The following RUNX2 variants were observed in gnomAD, a reference collection of about 807,000 sequenced individuals.
The protein encoded by RUNX2 is RUNX family transcription factor 2.
In RUNX2, 10 loss-of-function variants were observed where a neutral mutation model predicts 51.7. The ratio of observed to expected loss-of-function variants is 0.19; its 90% CI spans 0.12 to 0.33. The LOEUF is 0.33. Among genes scored for constraint, RUNX2 ranks in the 10% least tolerant of loss-of-function variants. The pLI is 1.00. For synonymous variants in RUNX2, 276 were observed against 273.6 expected, an observed-to-expected ratio of 1.01 and a Z score of -0.09; for missense variants, 562 against 691.3, an observed-to-expected ratio of 0.81 and a Z score of 2.10.
chr6:45,330,295 A>G (rs926324747), intron 2 of RUNX2, among the ~76,000 whole-genome samples: 2 of 151,954 alleles, frequency 1.3e-5, no homozygotes, highest in Admixed American at 1.3e-4. Context: ...GCTAGACTAC[A>G]TTACAACACA....
chr6:45,530,204 C>T (rs1001051648), intron 7 of RUNX2, among the ~76,000 whole-genome samples: 7 of 152,314 alleles, frequency 4.6e-5, no homozygotes, highest in Admixed American at 4.6e-4. Flanking sequence ...TGAACCCCTC[C>T]CAGGGGTCTT....
chr6:45,532,693 C>T (rs909871742), intron 7 of RUNX2, among the ~76,000 whole-genome samples: 2 of 152,126 alleles, frequency 1.3e-5, no homozygotes, highest in African/African-American at 4.8e-5. Flanking sequence ...TAGATGTGGC[C>T]CTGCATCTGT....
chr6:45,347,759 T>C (rs534188589), intron 2 of RUNX2, among the ~76,000 whole-genome samples: 1 of 142,806 alleles, frequency 7.0e-6, no homozygotes, highest in East Asian at 1.9e-4. Context: ...TTCACAATTC[T>C]TTTTTTTAAA....
At chr6:45,455,658 C>T (rs1192642990) in intron 5 of RUNX2, among the ~76,000 whole-genome samples, 1 of 152,068 alleles carries the variant, frequency 6.6e-6, no homozygotes, top group Admixed American at 6.5e-5. Flanking sequence ...ATCTTTAGCA[C>T]AGTGTGAAGT....
intron 2 of RUNX2, among the ~76,000 whole-genome samples, chr6:45,364,625 C>T (rs1240317594): frequency 2.6e-5 from 4 of 152,114 alleles, no homozygotes; most frequent in Non-Finnish European, 5.9e-5. Flanking sequence ...TGCAAGAAAC[C>T]AGAAATCAAG....
chr6:45,480,377 G>T (rs1420959480), intron 5 of RUNX2, among the ~76,000 whole-genome samples: 4 of 152,162 alleles, frequency 2.6e-5, no homozygotes, highest in Non-Finnish European at 4.4e-5. Flanking sequence ...TATTAGGGGG[G>T]TTATTTCAAA....
chr6:45,369,636 A>G (rs1795717939), intron 2 of RUNX2, among the ~76,000 whole-genome samples: 1 of 152,164 alleles, frequency 6.6e-6, no homozygotes, highest in Non-Finnish European at 1.5e-5. Flanking sequence ...ACTCTTATTT[A>G]AAGCCAACAC....
At chr6:45,539,219 T>TTCTC (rs563329125) in intron 7 of RUNX2, among the ~76,000 whole-genome samples, 2 of 151,320 alleles carry the variant, frequency 1.3e-5, no homozygotes, top group Non-Finnish European at 2.9e-5. Context: ...AGGTTTTTTT[T>TTCTC]TCTCTCTCTC....
chr6:45,338,369 T>C (rs1789042956), intron 2 of RUNX2, among the ~76,000 whole-genome samples: 1 of 152,032 alleles, frequency 6.6e-6, no homozygotes, highest in South Asian at 2.1e-4. Context: ...ATAGGCAACT[T>C]CTCAAGAAAT....
intron 2 of RUNX2, among the ~76,000 whole-genome samples, chr6:45,395,585 G>A (rs1209979179): frequency 6.6e-6 from 1 of 152,298 alleles, no homozygotes; most frequent in African/African-American, 2.4e-5. Flanking sequence ...TTTAGCAAAA[G>A]AGGAGGCAAT....
At position 45,491,014 on chromosome 6, in the gene RUNX2, C is replaced by T. The variant is rs139128681; in HGVS notation, c.686-927C>T. Among the ~76,000 whole-genome samples, 228 of 152,246 alleles carry T rather than the reference C, an allele frequency of 1.5e-3. 2 individuals carry two copies. The highest frequency in any genetic ancestry group is 4.8e-3 in the African/African-American group (199 of 41,556). ...TTTCTGTTATACTTGCACCAAGACA[C>T]TAGTATGTCTTTTGTTAAGAATGAT... On this transcript the variant is annotated intron_variant, in intron 5 of 8. Transcript: ENST00000647337.
chr6:45,376,735 C>A (rs1416945482), intron 2 of RUNX2, among the ~76,000 whole-genome samples: 2 of 152,182 alleles, frequency 1.3e-5, no homozygotes. Context: ...GAAACATTCA[C>A]CAGAAATTCC....
At chr6:45,522,934 C>T (rs1801552695) in intron 7 of RUNX2, among the ~76,000 whole-genome samples, 1 of 152,186 alleles carries the variant, frequency 6.6e-6, no homozygotes, top group Admixed American at 6.5e-5. Flanking sequence ...CATGTATGGT[C>T]TCACTATGCA....
chr6:45,530,636 G>A (rs1801813526), intron 7 of RUNX2, among the ~76,000 whole-genome samples: 1 of 152,186 alleles, frequency 6.6e-6, no homozygotes, highest in Admixed American at 6.5e-5. Context: ...ATGTGCAACA[G>A]AATATGTACA....
chr6:45,358,499 CT>C (rs1179863725), intron 2 of RUNX2, among the ~76,000 whole-genome samples: 15 of 152,268 alleles, frequency 9.9e-5, no homozygotes, highest in Admixed American at 2.6e-4. Flanking sequence ...ATATTTCCCC[CT>C]ATACTTGAAT....
chr6:45,397,106 A>G (rs1797598101), intron 2 of RUNX2, among the ~76,000 whole-genome samples: 1 of 148,684 alleles, frequency 6.7e-6, no homozygotes, highest in Non-Finnish European at 1.5e-5. Context: ...TATATTTAAA[A>G]CTTTTTTTTT....
chr6:45,457,343 G>A (rs1001544276), intron 5 of RUNX2, among the ~76,000 whole-genome samples: 1 of 152,174 alleles, frequency 6.6e-6, no homozygotes, highest in Non-Finnish European at 1.5e-5. Flanking sequence ...GTCAGGGCAG[G>A]GATGGCTGAA....
Position 45,466,228 on chromosome 6 carries a change from G to A in RUNX2, c.686-25713G>A, listed in dbSNP as rs1000116034. ...CTCAGGAGGCTGAGGCAGGAGAATC[G>A]CTTGAACCAGGGAGGCTGAGGTTGC... On this transcript the variant is annotated intron_variant, in intron 5 of 8. Coordinates refer to ENST00000647337, the MANE Select transcript of RUNX2 (RefSeq NM_001024630.4). 3.3e-5 allele frequency among the ~76,000 whole-genome samples: 5 copies of A among 151,804 alleles called. 1 individual carries two copies. Among genetic ancestry groups the A allele is most frequent in the South Asian group, 2.1e-4 (1 of 4,798 alleles).
At chr6:45,337,359 T>C (rs1788787938) in intron 2 of RUNX2, among the ~76,000 whole-genome samples, 1 of 151,808 alleles carries the variant, frequency 6.6e-6, no homozygotes, top group South Asian at 2.1e-4. Context: ...AATTATGGTG[T>C]ATCTCCAGCA....
Sources: gnomAD v4.1 joint callset for allele counts (sites outside exome capture counted in the v4.1 genomes callset) on GRCh38, gnomAD v4.1.1 for gene constraint, MANE v1.5 for transcripts, NCBI Gene and HGNC (gene_info 2026-07-23, HGNC 2026-07-21) for gene names.